PPIL2: variants seen among roughly 807,000 people sequenced by gnomAD.
PPIL2 encodes RING-type E3 ubiquitin-protein ligase PPIL2.
A neutral mutation model predicts 75.2 loss-of-function variants in PPIL2; 50 were observed. The ratio of observed to expected loss-of-function variants is 0.66; its 90% CI spans 0.53 to 0.84. The LOEUF is 0.84. Ranked by LOEUF, PPIL2 falls within the 40% of genes least tolerant of loss-of-function variation. The probability of loss-of-function intolerance (pLI) is 0.00; values close to 1 mark genes in which losing one functional copy is unlikely to be tolerated. For synonymous variants in PPIL2, 245 were observed against 258.8 expected, an observed-to-expected ratio of 0.95 and a Z score of 0.51; for missense variants, 590 against 685.0, an observed-to-expected ratio of 0.86 and a Z score of 1.55.
chr22:21,688,976 T>C lies in PPIL2; in HGVS notation c.1139+127T>C, dbSNP rs2067501377. 3.3e-6 allele frequency: 3 copies of C among 906,036 alleles called. No individual in the cohort carries two copies. The Admixed American group carries it at 6.7e-5, about 20-fold the overall frequency. 56.1% of individuals were successfully genotyped at this position (906,036 alleles called of 1,614,324 possible). A position where few individuals can be genotyped will look rare whatever the true frequency, so the allele number is the denominator to read the frequency against. ...ATACCCAGACGGTGTACGGCACACC[T>C]AGGCCAAGCATGTGCACCTGCGTTC... is the stretch of plus-strand genomic sequence containing the variant. On this transcript the variant is annotated intron_variant, in intron 15 of 19. Transcript: ENST00000398831.
chr22:21,669,262 C>T, intron 1 of PPIL2: 1 of 337,676 alleles, frequency 3.0e-6, no homozygotes. Context: ...GCCTTCCTGC[C>T]TTAGTCTTTG....
intron 5 of PPIL2, 58 bp from the exon 6 acceptor site, chr22:21,675,006 A>G (rs1045132402): frequency 6.9e-7 from 1 of 1,455,264 alleles, no homozygotes; most frequent in Non-Finnish European, 9.6e-7. Context: ...TGACCCTAGC[A>G]TCTCTGTGCA....
chr22:21,686,944 C>T lies in PPIL2; in HGVS notation c.843C>T (p.Tyr281=), dbSNP rs768832956. 22 of 1,613,976 alleles carry T rather than the reference C, an allele frequency of 1.4e-5. No individual in the cohort carries two copies. In the Admixed American group the frequency reaches 1.7e-4, roughly 12 times the overall value. Residue 281 remains tyrosine (Y), a synonymous_variant, in exon 12 of 20, where the codon TAC becomes TAT. Coordinates refer to ENST00000398831, the MANE Select transcript of PPIL2 (RefSeq NM_014337.4). ...ACCAGTTTGTGAAGAAGAAGGGCTA[C>T]GTGCGGCTGCACACCAACAAGGGCG... The part of the protein sequence containing the change: ...LRYQFVKKKG[Y]VRLHTNKGDL...
intron 13 of PPIL2, 121 bp downstream of exon 13, chr22:21,687,853 G>A: frequency 1.8e-6 from 2 of 1,118,024 alleles, no homozygotes; most frequent in Non-Finnish European, 2.6e-6. Flanking sequence ...GATGAGTCCA[G>A]TTGGTGATCC....
At chr22:21,684,295 C>CCCCGTCTTTACT (rs2067251221) in intron 9 of PPIL2, among the ~76,000 whole-genome samples, 1 of 21,834 alleles carries the variant, frequency 4.6e-5, no homozygotes, top group Non-Finnish European at 9.4e-5. Flanking sequence ...GATTGTAACA[C>CCCCGTCTTTACT]AAAAAAATTA....
intron 15 of PPIL2, among the ~76,000 whole-genome samples, chr22:21,692,822 A>G (rs2067732980): frequency 6.6e-6 from 1 of 150,646 alleles, no homozygotes; most frequent in Non-Finnish European, 1.5e-5. Flanking sequence ...GCTACTCAGG[A>G]GGCTGAGGCA....
intron 1 of PPIL2, chr22:21,669,448 C>T (rs750039698): frequency 4.8e-6 from 2 of 417,878 alleles, no homozygotes; most frequent in Admixed American, 2.6e-5. Flanking sequence ...TGTGCCTGGT[C>T]TCCATGTCTG....
chr22:21,693,497 C>T (rs969782433), intron 15 of PPIL2, among the ~76,000 whole-genome samples: 6 of 152,228 alleles, frequency 3.9e-5, no homozygotes, highest in African/African-American at 1.4e-4. Context: ...TCCAGGTGTC[C>T]CCTCGTCCCA....
chr22:21,684,622 G>C, intron 9 of PPIL2, 131 bp from the exon 10 acceptor site: 1 of 1,161,966 alleles, frequency 8.6e-7, no homozygotes, highest in South Asian at 1.6e-5. Context: ...GTGGCATTCT[G>C]TGGCTGGCAG....
Position 21,684,825 on chromosome 22 carries a change from A to G in PPIL2, c.626A>G (p.Gln209Arg), listed in dbSNP as rs1323281019. Residue 209 changes from glutamine (Q) to arginine (R), a missense_variant, in exon 10 of 20, where the codon CAG becomes CGG. Gln to Arg is a conservative substitution (Grantham distance 43). Coordinates refer to ENST00000398831, the MANE Select transcript of PPIL2 (RefSeq NM_014337.4). ...AATGCCGAGACCCGAGAGACCCTGC[A>G]GGAGCTCTACAAGGAGTTCAAAGGG... ...NTNAETRETL[Q>R]ELYKEFKGDE... The G allele has an allele frequency of 1.9e-6, 3 of 1,614,198 alleles. No individual in the cohort carries two copies. Among genetic ancestry groups the G allele is most frequent in the South Asian group, 2.2e-5 (2 of 91,086 alleles).
chr22:21,669,780 G>T, intron 1 of PPIL2, 133 bp from the exon 2 acceptor site: 1 of 914,500 alleles, frequency 1.1e-6, no homozygotes, highest in Non-Finnish European at 1.8e-6. Flanking sequence ...GATTACAGGC[G>T]TTAGCCACCG....
chr22:21,685,614 C>CTT, intron 10 of PPIL2: 2 of 417,394 alleles, frequency 4.8e-6, no homozygotes, highest in African/African-American at 2.1e-5. Context: ...TGATATATTA[C>CTT]TTTTTTTTTT....
chr22:21,682,310 GTC>G, intron 7 of PPIL2, 125 bp from the exon 8 acceptor site: 2 of 774,262 alleles, frequency 2.6e-6, no homozygotes, highest in East Asian at 2.6e-5. Context: ...GTACACTGCT[GTC>G]TCTCTCATTC....
chr22:21,682,612 G>C, intron 8 of PPIL2, 86 bp downstream of exon 8: 1 of 701,846 alleles, frequency 1.4e-6, no homozygotes, highest in Non-Finnish European at 2.0e-6. Flanking sequence ...CCCACGTCAG[G>C]GCCCCTCATA....
At chr22:21,670,251 T>C (rs2066579952) in intron 2 of PPIL2, 1 of 1,279,672 alleles carries the variant, frequency 7.8e-7, no homozygotes, top group South Asian at 1.5e-5. Flanking sequence ...TTAAATGTTT[T>C]TTCTCTATCA....
intron 14 of PPIL2, 133 bp downstream of exon 14, chr22:21,688,239 C>A: frequency 2.6e-6 from 3 of 1,168,750 alleles, no homozygotes; most frequent in Non-Finnish European, 3.7e-6. Context: ...TGGCAGCCAT[C>A]AGTGCTGTGC....
At chr22:21,679,642 G>A (rs914910255) in intron 6 of PPIL2, among the ~76,000 whole-genome samples, 2 of 150,968 alleles carry the variant, frequency 1.3e-5, no homozygotes, top group Non-Finnish European at 3.0e-5. Flanking sequence ...TCAGCCTATC[G>A]CCTAGGCTGG....
chr22:21,698,593 G>T (rs1275317475), downstream of PPIL2: 1 of 152,344 alleles, frequency 6.6e-6, no homozygotes, highest in Non-Finnish European at 1.5e-5. Flanking sequence ...GAGGAATGAA[G>T]ACTCACTCAA....
chr22:21,674,673 C>T (rs1247084084), intron 5 of PPIL2, among the ~76,000 whole-genome samples: 19 of 152,156 alleles, frequency 1.2e-4, no homozygotes. Context: ...TGTACTCCAG[C>T]CTGGTGACAG....
Sources: gnomAD v4.1 joint callset for allele counts (sites outside exome capture counted in the v4.1 genomes callset) on GRCh38, gnomAD v4.1.1 for gene constraint, MANE v1.5 for transcripts, NCBI Gene and HGNC (gene_info 2026-07-23, HGNC 2026-07-21) for gene names.